INO80: variants seen among roughly 807,000 people sequenced by gnomAD.
INO80 encodes chromatin-remodeling ATPase INO80.
INO80 carries 20 observed loss-of-function variants against 203.4 expected under a neutral mutation model. The ratio of observed to expected loss-of-function variants is 0.10; its 90% CI spans 0.07 to 0.14. INO80 has a LOEUF of 0.14. Among genes scored for constraint, INO80 ranks in the 10% least tolerant of loss-of-function variants. The pLI is 1.00. For synonymous variants in INO80, 726 were observed against 685.2 expected (o/e 1.06, Z -0.93); for missense variants, 1,419 against 1,914.4 (o/e 0.74, Z 4.83).
At chr15:41,071,531 C>A (rs1049174418) in intron 12 of INO80, among the ~76,000 whole-genome samples, 1 of 150,582 alleles carries the variant, frequency 6.6e-6, no homozygotes, top group African/African-American at 2.4e-5. Context: ...CTTAGCTCAC[C>A]GCAATCTCCG....
intron 25 of INO80, among the ~76,000 whole-genome samples, chr15:41,026,735 A>T (rs1444234559): frequency 1.3e-5 from 2 of 152,190 alleles, no homozygotes; most frequent in East Asian, 3.8e-4. Flanking sequence ...GGAAGACAGA[A>T]ATTCATTCTT....
At chr15:41,037,890 C>A (rs2044605144) in intron 24 of INO80, among the ~76,000 whole-genome samples, 1 of 151,498 alleles carries the variant, frequency 6.6e-6, no homozygotes, top group Non-Finnish European at 1.5e-5. Context: ...TTGCAGTGAG[C>A]CAAGATTGTG....
chr15:41,092,106 C>A lies in INO80; in HGVS notation c.458G>T (p.Ser153Ile). 6.2e-7 allele frequency: 1 copy of A among 1,612,556 alleles called. No individual in the cohort carries two copies. Among genetic ancestry groups the A allele is most frequent in the Non-Finnish European group, 8.5e-7 (1 of 1,178,684 alleles). Residue 153 changes from serine to isoleucine, a missense_variant, in exon 5 of 36, where the codon AGC becomes ATC. By Grantham distance (142) the Ser-to-Ile change is moderately radical. Coordinates refer to ENST00000648947, the MANE Select transcript of INO80 (RefSeq NM_017553.3). ...AAGCATGTTGTGAAGTTCTTCTCTG[C>A]TGAGATTGAGTTCTTCTTCATCATC... ...EDDDEEELNLSREELHNMLRL... is the reference protein window; with the variant it reads ...EDDDEEELNLIREELHNMLRL...
chr15:41,086,122 T>G (rs1411608577), intron 6 of INO80, among the ~76,000 whole-genome samples: 1 of 152,160 alleles, frequency 6.6e-6, no homozygotes. Context: ...CAATATAAGG[T>G]GGCTATACAT....
intron 19 of INO80, among the ~76,000 whole-genome samples, chr15:41,053,721 T>A (rs952388606): frequency 8.5e-5 from 13 of 152,194 alleles, no homozygotes; most frequent in Non-Finnish European, 1.9e-4. Context: ...ATGTTTCAAA[T>A]TCTCCAGTAA....
At chr15:41,004,343 T>C (rs1182109601) in intron 28 of INO80, among the ~76,000 whole-genome samples, 1 of 152,260 alleles carries the variant, frequency 6.6e-6, no homozygotes, top group African/African-American at 2.4e-5. Context: ...AATTATTTTA[T>C]GTCTGAATTA....
intron 28 of INO80, among the ~76,000 whole-genome samples, chr15:41,003,712 A>G (rs369841893): frequency 8.3e-4 from 126 of 152,344 alleles, no homozygotes; most frequent in African/African-American, 3.0e-3. Context: ...CTGTTACTGA[A>G]GAAAAACAAA....
intron 29 of INO80, among the ~76,000 whole-genome samples, chr15:40,990,674 C>T (rs1437745842): frequency 6.6e-6 from 1 of 152,112 alleles, no homozygotes; most frequent in Non-Finnish European, 1.5e-5. Context: ...CTTGTTGCCT[C>T]TAGAGGAACT....
At chr15:41,073,346 A>T in intron 11 of INO80, 82 bp downstream of exon 11, 1 of 1,143,206 alleles carries the variant, frequency 8.7e-7, no homozygotes, top group East Asian at 2.3e-5. Flanking sequence ...TGTGATTAAG[A>T]CTAAAGGAAG....
At chr15:41,030,047 C>G (rs2140484663) in intron 24 of INO80, among the ~76,000 whole-genome samples, 1 of 152,322 alleles carries the variant, frequency 6.6e-6, no homozygotes. Context: ...TTACTAACTT[C>G]TACAGACCAG....
chr15:40,981,982 A>G (rs1893849063), intron 35 of INO80, among the ~76,000 whole-genome samples: 1 of 152,196 alleles, frequency 6.6e-6, no homozygotes, highest in African/African-American at 2.4e-5. Flanking sequence ...GCAACTTATC[A>G]GCAGGACCAT....
At chr15:40,989,940 G>T (rs2043794560) in intron 29 of INO80, among the ~76,000 whole-genome samples, 1 of 152,074 alleles carries the variant, frequency 6.6e-6, no homozygotes, top group African/African-American at 2.4e-5. Flanking sequence ...GTCCTTTCAG[G>T]TTTAGTTCAA....
At chr15:41,102,858 CCTT>C (rs149208784) in intron 1 of INO80, among the ~76,000 whole-genome samples, 4,209 of 152,182 alleles carry the variant, frequency 0.028, 188 homozygotes, top group African/African-American at 0.096. Flanking sequence ...TTCCTTAACT[CCTT>C]GACTGAAACT....
At chr15:41,097,309 G>A (rs1259102249) in intron 1 of INO80, among the ~76,000 whole-genome samples, 2 of 151,738 alleles carry the variant, frequency 1.3e-5, no homozygotes, top group Non-Finnish European at 2.9e-5. Flanking sequence ...GCCTCCCAAA[G>A]TGCTGGGATT....
At chr15:41,059,246 G>A (rs2140556651) in intron 15 of INO80, among the ~76,000 whole-genome samples, 1 of 150,680 alleles carries the variant, frequency 6.6e-6, no homozygotes, top group African/African-American at 2.4e-5. Flanking sequence ...ATAGGCATGA[G>A]CCACCATGCC....
At position 41,074,351 on chromosome 15, in the gene INO80, G is replaced by C; in HGVS notation, c.1327+19C>G. The C allele has an allele frequency of 6.4e-7, 1 of 1,563,148 alleles. No homozygotes were observed. Among genetic ancestry groups the C allele is most frequent in the Non-Finnish European group, 8.7e-7 (1 of 1,150,718 alleles). ...AAAATAAGAGGTAGCCTTCCTCTAA[G>C]TCCTGACTGAGGACTCACCATAATC... On this transcript the variant is annotated intron_variant, in intron 10 of 35. Coordinates refer to ENST00000648947, the MANE Select transcript of INO80 (RefSeq NM_017553.3).
At chr15:41,039,719 G>A (rs563903637) in intron 24 of INO80, among the ~76,000 whole-genome samples, 1 of 152,146 alleles carries the variant, frequency 6.6e-6, no homozygotes, top group South Asian at 2.1e-4. Flanking sequence ...TGCCCTCCAC[G>A]GACCTTTGAG....
intron 25 of INO80, among the ~76,000 whole-genome samples, chr15:41,025,647 G>A (rs1000068856): frequency 2.0e-5 from 3 of 152,096 alleles, no homozygotes; most frequent in South Asian, 2.1e-4. Context: ...CCTGGGAGGC[G>A]AAGGCTGCAT....
chr15:41,007,303 C>G (rs1192697606), intron 27 of INO80, among the ~76,000 whole-genome samples: 2 of 151,566 alleles, frequency 1.3e-5, no homozygotes, highest in East Asian at 1.9e-4. Context: ...CTGCCTCAGC[C>G]TCCCTAGCAG....
Sources: gnomAD v4.1 joint callset for allele counts (sites outside exome capture counted in the v4.1 genomes callset) on GRCh38, gnomAD v4.1.1 for gene constraint, MANE v1.5 for transcripts, NCBI Gene and HGNC (gene_info 2026-07-23, HGNC 2026-07-21) for gene names.